Variants in RABGAP1L observed in about 807,000 individuals in gnomAD.
RABGAP1L encodes rab GTPase-activating protein 1-like.
RABGAP1L carries 63 observed loss-of-function variants against 137.7 expected under a neutral mutation model. The observed-to-expected ratio is 0.46, with a 90% CI of 0.37 to 0.56. The LOEUF (loss-of-function observed/expected upper bound fraction) is 0.56, where lower values mean the gene tolerates loss of function less well. RABGAP1L is among the 20% of genes least tolerant of loss of function. The pLI is 0.00. For synonymous variants in RABGAP1L, 431 were observed against 433.7 expected, an observed-to-expected ratio of 0.99 and a Z score of 0.08; for missense variants, 1,095 against 1,244.0, an observed-to-expected ratio of 0.88 and a Z score of 1.80.
At chr1:174,588,510 G>A (rs754969256) in intron 13 of RABGAP1L, among the ~76,000 whole-genome samples, 10 of 152,084 alleles carry the variant, frequency 6.6e-5, no homozygotes, top group Non-Finnish European at 1.5e-4. Context: ...GTTGACTGTA[G>A]TCACTTTGTT....
chr1:174,214,150 G>C (rs1669110670), intron 1 of RABGAP1L, among the ~76,000 whole-genome samples: 1 of 152,070 alleles, frequency 6.6e-6, no homozygotes, highest in Non-Finnish European at 1.5e-5. Context: ...AAAGTTGCAG[G>C]ATAAAAAATC....
chr1:174,489,961 T>G (rs6658315), intron 13 of RABGAP1L, among the ~76,000 whole-genome samples: 1 of 151,748 alleles, frequency 6.6e-6, no homozygotes, highest in African/African-American at 2.4e-5. Context: ...GTTCAGTTCA[T>G]GTGATAGAAT....
At chr1:174,925,079 G>C (rs1662487221) in intron 19 of RABGAP1L, among the ~76,000 whole-genome samples, 1 of 152,036 alleles carries the variant, frequency 6.6e-6, no homozygotes, top group African/African-American at 2.4e-5. Flanking sequence ...AAAAGACAGC[G>C]GGTGGGCCGG....
intron 18 of RABGAP1L, among the ~76,000 whole-genome samples, chr1:174,793,993 G>A (rs544320781): frequency 5.3e-5 from 8 of 152,244 alleles, no homozygotes; most frequent in East Asian, 3.9e-4. Flanking sequence ...CACCATGCCC[G>A]GCCCAGAATC....
At chr1:174,624,842 C>T (rs1672821053) in intron 13 of RABGAP1L, among the ~76,000 whole-genome samples, 2 of 151,120 alleles carry the variant, frequency 1.3e-5, no homozygotes, top group South Asian at 2.1e-4. Context: ...CCTAATAGGT[C>T]AGCCCTTTCC....
chr1:174,615,388 C>T (rs1045356750), intron 13 of RABGAP1L, among the ~76,000 whole-genome samples: 7 of 152,302 alleles, frequency 4.6e-5, no homozygotes, highest in South Asian at 4.1e-4. Flanking sequence ...TGCAGAACTG[C>T]GGATTTTCGT....
intron 19 of RABGAP1L, among the ~76,000 whole-genome samples, chr1:174,955,215 G>A (rs996143000): frequency 6.6e-6 from 1 of 152,148 alleles, no homozygotes; most frequent in African/African-American, 2.4e-5. Flanking sequence ...GTTACACCCT[G>A]GAAAATGTCC....
intron 13 of RABGAP1L, among the ~76,000 whole-genome samples, chr1:174,465,010 C>G (rs1433885276): frequency 6.6e-6 from 1 of 151,998 alleles, no homozygotes; most frequent in Admixed American, 6.6e-5. Flanking sequence ...TCCTATTGAT[C>G]CTATTGACAT....
chr1:174,943,840 A>G (rs1317822483), intron 19 of RABGAP1L, among the ~76,000 whole-genome samples: 1 of 152,080 alleles, frequency 6.6e-6, no homozygotes, highest in African/African-American at 2.4e-5. Flanking sequence ...CTCAAAAAAA[A>G]AGACTTTCTC....
intron 14 of RABGAP1L, among the ~76,000 whole-genome samples, chr1:174,649,344 T>C (rs1457323884): frequency 1.3e-5 from 2 of 152,062 alleles, no homozygotes; most frequent in African/African-American, 4.8e-5. Flanking sequence ...GGTACCAGTT[T>C]TTCCTCTCCA....
intron 13 of RABGAP1L, among the ~76,000 whole-genome samples, chr1:174,396,819 A>G (rs1220133988): frequency 6.6e-6 from 1 of 152,116 alleles, no homozygotes; most frequent in Non-Finnish European, 1.5e-5. Context: ...AGTTTTAACT[A>G]TACAACTTGC....
intron 19 of RABGAP1L, among the ~76,000 whole-genome samples, chr1:174,850,590 C>G (rs911895033): frequency 1.2e-4 from 18 of 152,136 alleles, no homozygotes; most frequent in Non-Finnish European, 1.9e-4. Context: ...ATTATGTTTA[C>G]CTTACGTTTT....
At chr1:174,719,164 C>A (rs1348563201) in intron 17 of RABGAP1L, among the ~76,000 whole-genome samples, 1 of 152,044 alleles carries the variant, frequency 6.6e-6, no homozygotes, top group African/African-American at 2.4e-5. Context: ...TTTCTGAGGC[C>A]TTCTTTATAC....
intron 14 of RABGAP1L, among the ~76,000 whole-genome samples, chr1:174,646,365 A>G (rs1201345656): frequency 6.6e-6 from 1 of 152,110 alleles, no homozygotes; most frequent in Non-Finnish European, 1.5e-5. Context: ...TAAGTCTTTA[A>G]TCCATCTTGA....
chr1:174,849,849 T>C, intron 19 of RABGAP1L: 1 of 558,372 alleles, frequency 1.8e-6, no homozygotes, highest in Non-Finnish European at 3.6e-6. Context: ...GGGAATGATC[T>C]TAATATTTAT....
chr1:174,177,224 A>G (rs1417189538), intron 1 of RABGAP1L, among the ~76,000 whole-genome samples: 2 of 152,186 alleles, frequency 1.3e-5, no homozygotes, highest in African/African-American at 2.4e-5. Flanking sequence ...CGTTTCTCTA[A>G]TGACCAGTGA....
At chr1:174,289,305 G>A (rs948263666) in intron 10 of RABGAP1L, among the ~76,000 whole-genome samples, 1 of 152,184 alleles carries the variant, frequency 6.6e-6, no homozygotes. Context: ...GCCTCCCAAA[G>A]TGGTAGGATT....
At chr1:174,892,116 C>T (rs1037196526) in intron 19 of RABGAP1L, among the ~76,000 whole-genome samples, 4 of 152,214 alleles carry the variant, frequency 2.6e-5, no homozygotes, top group African/African-American at 7.2e-5. Context: ...GCCTGGAGCC[C>T]GTGGCTTCCC....
At chr1:174,597,510 G>C (rs778298574) in intron 13 of RABGAP1L, among the ~76,000 whole-genome samples, 30 of 151,812 alleles carry the variant, frequency 2.0e-4, no homozygotes, top group Non-Finnish European at 3.1e-4. Context: ...TATGGTTGTT[G>C]ATAGTAGCTT....
Sources: allele counts gnomAD v4.1 joint callset (sites outside exome capture counted in the v4.1 genomes callset), GRCh38; gene constraint gnomAD v4.1.1; transcripts MANE v1.5; gene names NCBI Gene and HGNC (gene_info 2026-07-23, HGNC 2026-07-21).